Variants in VOPP1 observed in about 807,000 individuals in gnomAD.
VOPP1 encodes VOPP1 WW domain binding protein.
Under a neutral mutation model 23.5 loss-of-function variants are expected in VOPP1, and 8 were observed. The observed-to-expected ratio is 0.34, with a 90% CI of 0.20 to 0.61. The LOEUF (loss-of-function observed/expected upper bound fraction) is 0.61. Ranked by LOEUF, VOPP1 falls within the 20% of genes least tolerant of loss-of-function variation. The pLI is 0.78. For missense variants in VOPP1, 174 were observed against 238.1 expected, an observed-to-expected ratio of 0.73 and a Z score of 1.77; for synonymous variants, 83 against 97.3, an observed-to-expected ratio of 0.85 and a Z score of 0.86.
intron 1 of VOPP1, chr7:55,530,852 A>C (rs1796459627): frequency 6.6e-6 from 1 of 152,222 alleles, no homozygotes; most frequent in South Asian, 2.1e-4. Flanking sequence ...CAATTACTGC[A>C]TCTCCAGGAG....
chr7:55,440,481 T>C lies in VOPP1; in HGVS notation n.418-4307A>G, dbSNP rs112870273. ...CCTGCCTTTGAGTCAGCCTCCTCAC[T>C]GCCAGCCAGAGGCATGGGATCTGGG... On this transcript the variant is annotated intron_variant and non_coding_transcript_variant, in intron 4 of 4. Transcript: ENST00000462326. Among the ~76,000 whole-genome samples the C allele has an allele frequency of 9.9e-3, 1,505 of 152,350 alleles. 22 individuals carry two copies. The highest frequency in any genetic ancestry group is 0.033 in the African/African-American group (1,367 of 41,592).
At chr7:55,482,145 A>G (rs932067121) in intron 4 of VOPP1, among the ~76,000 whole-genome samples, 3 of 152,136 alleles carry the variant, frequency 2.0e-5, no homozygotes, top group Middle Eastern at 3.2e-3. Context: ...TCATATGCAT[A>G]TATTAGTAAA....
Position 55,521,108 on chromosome 7 carries a change from C to A in VOPP1, c.77G>T (p.Cys26Phe). ...LLECTEAKKH[C>F]WYFEGLYPTY... is the part of the protein sequence containing the mutation. ...TGGATAGAGTCCTTCGAAATACCAGCAATGCTTTTTGGCTTCTGTGCACTG... is the reference window on the plus strand; with the variant it reads ...TGGATAGAGTCCTTCGAAATACCAGAAATGCTTTTTGGCTTCTGTGCACTG... The change falls in exon 2 of 5, where the codon TGC becomes TTC. Residue 26 changes from cysteine to phenylalanine, a missense_variant. Cys to Phe is a radical substitution (Grantham distance 205, BLOSUM62 -2). Transcript: ENST00000285279. The A allele has an allele frequency of 6.3e-7, 1 of 1,583,456 alleles. No individual in the cohort carries two copies. Among genetic ancestry groups the A allele is most frequent in the Non-Finnish European group, 8.6e-7 (1 of 1,163,802 alleles).
rs115924080 is a variant in VOPP1, at chr7:55,440,636, C to T, written n.418-4462G>A. On this transcript the variant is annotated intron_variant and non_coding_transcript_variant, in intron 4 of 4. Coordinates refer to the VOPP1 transcript ENST00000462326. ...CTTTTCAGCTTCCCCATTTGAGCGG[C>T]TGTCTCCTGCCCTCTTGCCCCAGGT... is the stretch of plus-strand genomic sequence containing the variant. Among the ~76,000 whole-genome samples the T allele has an allele frequency of 8.7e-3, 1,319 of 152,324 alleles. 19 individuals carry two copies. Among genetic ancestry groups the T allele is most frequent in the African/African-American group, 0.03 (1,265 of 41,582 alleles).
At chr7:55,526,966 T>C (rs920224135) in intron 1 of VOPP1, 1 of 152,162 alleles carries the variant, frequency 6.6e-6, no homozygotes, top group Non-Finnish European at 1.5e-5. Context: ...CCCAGCTGCT[T>C]TCAGCTTGAG....
downstream of VOPP1, chr7:55,470,548 C>T (rs1286061921): frequency 1.3e-5 from 2 of 152,236 alleles, no homozygotes; most frequent in Non-Finnish European, 2.9e-5. Flanking sequence ...GCTGTACACC[C>T]TTCCTCATTA....
intron 4 of VOPP1, among the ~76,000 whole-genome samples, chr7:55,439,898 CCAAA>C (rs1790923372): frequency 6.6e-6 from 1 of 152,182 alleles, no homozygotes; most frequent in Non-Finnish European, 1.5e-5. Context: ...AGTGGATCTG[CCAAA>C]CACAGACTGC....
At chr7:55,473,216 C>T (rs935804455) in intron 4 of VOPP1, among the ~76,000 whole-genome samples, 171 bp from the exon 5 acceptor site, 1 of 152,198 alleles carries the variant, frequency 6.6e-6, no homozygotes, top group Non-Finnish European at 1.5e-5. Flanking sequence ...ACAAGCAACA[C>T]AATAGGCAGG....
At chr7:55,492,239 A>G (rs757441490) in intron 4 of VOPP1, 43 bp downstream of exon 4, 276 of 1,576,024 alleles carry the variant, frequency 1.8e-4, no homozygotes, top group Non-Finnish European at 2.2e-4. Flanking sequence ...TTGGCAGACG[A>G]CACACACTGT....
At chr7:55,516,747 G>C (rs1270590808) in intron 2 of VOPP1, among the ~76,000 whole-genome samples, 1 of 151,896 alleles carries the variant, frequency 6.6e-6, no homozygotes, top group African/African-American at 2.4e-5. Context: ...TATATTTTCT[G>C]CAGGGGAAGG....
At chr7:55,482,358 T>C (rs1443359059) in intron 4 of VOPP1, among the ~76,000 whole-genome samples, 3 of 151,130 alleles carry the variant, frequency 2.0e-5, no homozygotes, top group African/African-American at 7.3e-5. Flanking sequence ...TTTTTTTTTT[T>C]TTTTTTTGAG....
intron 1 of VOPP1, among the ~76,000 whole-genome samples, chr7:55,568,212 T>A (rs1798227560): frequency 6.6e-6 from 1 of 151,610 alleles, no homozygotes; most frequent in Non-Finnish European, 1.5e-5. Flanking sequence ...CCCGAGTAGC[T>A]GGGACTACAG....
intron 4 of VOPP1, among the ~76,000 whole-genome samples, chr7:55,460,524 T>C (rs966676366): frequency 1.3e-5 from 2 of 152,324 alleles, no homozygotes; most frequent in East Asian, 1.9e-4. Flanking sequence ...TATTATTGTA[T>C]TGAAGTCTAT....
At chr7:55,466,631 C>G (rs969210760), downstream of VOPP1, among the ~76,000 whole-genome samples, 2 of 151,954 alleles carry the variant, frequency 1.3e-5, no homozygotes, top group African/African-American at 4.8e-5. Context: ...CCATAGGAGC[C>G]CCAGACTATG....
intron 1 of VOPP1, among the ~76,000 whole-genome samples, chr7:55,541,193 T>C (rs1348038790): frequency 6.6e-6 from 1 of 152,264 alleles, no homozygotes; most frequent in Non-Finnish European, 1.5e-5. Context: ...AATACTTGCA[T>C]AACTCTGTGA....
intron 1 of VOPP1, chr7:55,552,942 C>T: frequency 1.3e-6 from 1 of 764,924 alleles, no homozygotes; most frequent in Non-Finnish European, 1.9e-6. Context: ...CTGACAAATG[C>T]TAAGGCGCTG....
chr7:55,486,080 C>T (rs752219258), intron 4 of VOPP1, among the ~76,000 whole-genome samples: 10 of 152,216 alleles, frequency 6.6e-5, no homozygotes, highest in Non-Finnish European at 8.8e-5. Context: ...TGGACCACGA[C>T]GGGCCAGAGG....
chr7:55,465,730 A>G (rs1401202904), downstream of VOPP1, among the ~76,000 whole-genome samples: 1 of 152,218 alleles, frequency 6.6e-6, no homozygotes, highest in Non-Finnish European at 1.5e-5. Context: ...AGATTAAATC[A>G]TTTGCTGGAA....
At chr7:55,542,421 C>A (rs1797172734) in intron 1 of VOPP1, among the ~76,000 whole-genome samples, 1 of 152,224 alleles carries the variant, frequency 6.6e-6, no homozygotes, top group African/African-American at 2.4e-5. Context: ...CTCCCCACTA[C>A]CCTTTCCAGC....
Sources: allele counts gnomAD v4.1 joint callset (sites outside exome capture counted in the v4.1 genomes callset), GRCh38; gene constraint gnomAD v4.1.1; transcripts MANE v1.5; gene names NCBI Gene and HGNC (gene_info 2026-07-23, HGNC 2026-07-21).